TASP1: variants seen among roughly 807,000 people sequenced by gnomAD.
The protein encoded by TASP1 is taspase 1, also known as threonine aspartase 1.
In TASP1, 16 loss-of-function variants were observed where a neutral mutation model predicts 56.6. The ratio of observed to expected loss-of-function variants is 0.28; its 90% confidence interval spans 0.19 to 0.43. The LOEUF is 0.43. Among genes scored for constraint, TASP1 ranks in the 20% least tolerant of loss-of-function variants. The probability of loss-of-function intolerance (pLI) is 1.00; values close to 1 mark genes in which losing one functional copy is unlikely to be tolerated. For synonymous variants in TASP1, 179 were observed against 184.2 expected (o/e 0.97, Z 0.23); for missense variants, 393 against 511.6 (o/e 0.77, Z 2.24).
downstream of TASP1, among the ~76,000 whole-genome samples, chr20:13,389,065 G>A (rs1477336296): frequency 6.6e-6 from 1 of 152,008 alleles, no homozygotes; most frequent in Non-Finnish European, 1.5e-5. Flanking sequence ...GAAAATCTTG[G>A]TTTTCTTATG....
chr20:13,170,181 G>T, the TASP1 span, among the ~76,000 whole-genome samples: 1 of 152,174 alleles, frequency 6.6e-6, no homozygotes, highest in Non-Finnish European at 1.5e-5. Flanking sequence ...ATTAATAATG[G>T]CTTCATCTTG....
chr20:13,378,593 C>T, the TASP1 span, among the ~76,000 whole-genome samples: 16 of 152,088 alleles, frequency 1.1e-4, no homozygotes, highest in Admixed American at 1.0e-3. Context: ...ATTAGGTCTG[C>T]TTGGTCCAGA....
At chr20:13,442,267 T>C (rs1029723137) in intron 11 of TASP1, among the ~76,000 whole-genome samples, 9 of 149,426 alleles carry the variant, frequency 6.0e-5, no homozygotes, top group Admixed American at 4.7e-4. Context: ...CACACACACA[T>C]ACACAGACAC....
the TASP1 span, among the ~76,000 whole-genome samples, chr20:13,129,547 A>G: frequency 1.3e-5 from 2 of 152,256 alleles, no homozygotes; most frequent in East Asian, 3.8e-4. Flanking sequence ...TGTTTTAAAG[A>G]CAAGTGACTA....
chr20:13,203,000 A>C, the TASP1 span, among the ~76,000 whole-genome samples: 1 of 152,352 alleles, frequency 6.6e-6, no homozygotes, highest in Admixed American at 6.5e-5. Context: ...ATTTAACACA[A>C]TGAATGTTTG....
chr20:13,617,205 TG>T, intron 4 of TASP1: 1 of 347,816 alleles, frequency 2.9e-6, no homozygotes, highest in Non-Finnish European at 5.7e-6. Context: ...GAAGCACCAC[TG>T]GGAATACTGC....
At chr20:13,196,245 T>TG in the TASP1 span, among the ~76,000 whole-genome samples, 2 of 152,228 alleles carry the variant, frequency 1.3e-5, no homozygotes, top group African/African-American at 4.8e-5. Flanking sequence ...CAAACTGAAC[T>TG]GGCCATTTCA....
the TASP1 span, chr20:13,279,834 C>T: frequency 6.2e-7 from 1 of 1,613,888 alleles, no homozygotes. Flanking sequence ...TCAACCCCCC[C>T]AGGGGGTGGG....
chr20:13,515,920 C>T (rs1243794363), intron 10 of TASP1, among the ~76,000 whole-genome samples: 1 of 152,048 alleles, frequency 6.6e-6, no homozygotes, highest in Non-Finnish European at 1.5e-5. Flanking sequence ...AAAGTACACA[C>T]AAATATGAAG....
At chr20:13,502,708 A>C (rs1394226330) in intron 10 of TASP1, among the ~76,000 whole-genome samples, 1 of 152,042 alleles carries the variant, frequency 6.6e-6, no homozygotes, top group African/African-American at 2.4e-5. Context: ...GTTATTAATC[A>C]GAGTGACATA....
chr20:13,167,581 T>G, the TASP1 span: 4 of 152,198 alleles, frequency 2.6e-5, no homozygotes, highest in Non-Finnish European at 5.9e-5. Flanking sequence ...AAGATAAAGG[T>G]TCCAGATGAT....
At chr20:13,314,426 C>T in the TASP1 span, among the ~76,000 whole-genome samples, 1 of 151,278 alleles carries the variant, frequency 6.6e-6, no homozygotes, top group East Asian at 1.9e-4. Flanking sequence ...GAATTACATC[C>T]ACCTTCTCCT....
At chr20:13,499,651 G>A (rs1214842438) in intron 10 of TASP1, among the ~76,000 whole-genome samples, 5 of 151,982 alleles carry the variant, frequency 3.3e-5, no homozygotes, top group African/African-American at 7.3e-5. Flanking sequence ...GCAGAAAGAC[G>A]GAAAGGAATG....
At chr20:13,198,484 A>G in the TASP1 span, among the ~76,000 whole-genome samples, 1 of 152,156 alleles carries the variant, frequency 6.6e-6, no homozygotes, top group Admixed American at 6.5e-5. Flanking sequence ...ACCTCCTAAT[A>G]CTATCACATT....
At chr20:13,460,422 TC>T (rs1196100318) in intron 11 of TASP1, among the ~76,000 whole-genome samples, 4 of 152,194 alleles carry the variant, frequency 2.6e-5, no homozygotes, top group African/African-American at 9.6e-5. Context: ...GCATCGATTT[TC>T]CTGATCTCAT....
At chr20:13,244,165 G>C in the TASP1 span, 16 of 152,290 alleles carry the variant, frequency 1.1e-4, no homozygotes, top group Admixed American at 2.6e-4. Context: ...TAGGCAGAGA[G>C]AAAACTTGCC....
chr20:13,624,000 A>C (rs1006761925), intron 3 of TASP1, among the ~76,000 whole-genome samples: 5 of 152,228 alleles, frequency 3.3e-5, no homozygotes, highest in African/African-American at 1.2e-4. Flanking sequence ...AACATTTTGG[A>C]TACTATAATG....
At chr20:13,374,494 G>A in the TASP1 span, among the ~76,000 whole-genome samples, 5 of 151,782 alleles carry the variant, frequency 3.3e-5, no homozygotes, top group Middle Eastern at 3.4e-3. Context: ...GACTACAGGC[G>A]CCCGCCACCG....
chr20:13,160,027 G>GA, the TASP1 span: 7 of 1,612,634 alleles, frequency 4.3e-6, no homozygotes. Context: ...ATATGCTAGA[G>GA]AAAAAAATTG....
Sources: allele counts gnomAD v4.1 joint callset (sites outside exome capture counted in the v4.1 genomes callset), GRCh38; gene constraint gnomAD v4.1.1; transcripts MANE v1.5; gene names NCBI Gene and HGNC (gene_info 2026-07-23, HGNC 2026-07-21).